The following WDPCP variants were observed in gnomAD, a reference collection of about 807,000 sequenced individuals.
WDPCP encodes WD repeat containing planar cell polarity effector.
A neutral mutation model predicts 93.1 loss-of-function variants in WDPCP; 71 were observed. That is an observed-to-expected ratio of 0.76 (90% CI 0.63 to 0.93). The LOEUF is 0.93. Among genes scored for constraint, WDPCP ranks in the 40% least tolerant of loss-of-function variants. The pLI, the probability that WDPCP is intolerant of heterozygous loss-of-function variation, is 0.00. For missense variants in WDPCP, 844 were observed against 887.4 expected, an observed-to-expected ratio of 0.95 and a Z score of 0.62; for synonymous variants, 315 against 315.0, an observed-to-expected ratio of 1.00 and a Z score of 0.00.
At chr2:63,535,245 A>G (rs1372381302) in intron 1 of WDPCP, among the ~76,000 whole-genome samples, 1 of 152,248 alleles carries the variant, frequency 6.6e-6, no homozygotes, top group Non-Finnish European at 1.5e-5. Context: ...TTCCATGCTC[A>G]TGGATAGGAA....
chr2:63,521,472 T>C (rs1247428512), intron 1 of WDPCP, among the ~76,000 whole-genome samples: 1 of 152,108 alleles, frequency 6.6e-6, no homozygotes, highest in African/African-American at 2.4e-5. Context: ...GGGCATTACA[T>C]AATGGTAAAA....
intron 17 of WDPCP, among the ~76,000 whole-genome samples, chr2:63,140,493 A>T (rs1337857671): frequency 1.3e-5 from 2 of 150,800 alleles, no homozygotes. Flanking sequence ...TTCTTTCAGC[A>T]GTGTTTTGTA....
At chr2:63,452,198 G>A (rs1247604096) in intron 6 of WDPCP, among the ~76,000 whole-genome samples, 6 of 152,176 alleles carry the variant, frequency 3.9e-5, no homozygotes, top group Admixed American at 1.3e-4. Context: ...AAACCCCATC[G>A]TCTCAGCCTA....
chr2:63,702,609 GCTCACTGC>G (rs957022294), intron 2 of WDPCP, among the ~76,000 whole-genome samples: 1 of 151,254 alleles, frequency 6.6e-6, no homozygotes, highest in African/African-American at 2.4e-5. Flanking sequence ...CGCGATTTCG[GCTCACTGC>G]AAGCTACGCC....
chr2:63,515,855 A>C (rs540545958), intron 1 of WDPCP, among the ~76,000 whole-genome samples: 19 of 152,164 alleles, frequency 1.2e-4, no homozygotes, highest in Admixed American at 5.2e-4. Flanking sequence ...CCTCATCTCT[A>C]CTAAAAATAC....
intron 14 of WDPCP, among the ~76,000 whole-genome samples, chr2:63,225,075 C>T (rs1055723349): frequency 6.6e-6 from 1 of 150,840 alleles, no homozygotes; most frequent in Non-Finnish European, 1.5e-5. Context: ...AAAAAGAAAC[C>T]TATTAAAATA....
At chr2:63,288,252 A>G (rs2104990291) in intron 13 of WDPCP, among the ~76,000 whole-genome samples, 1 of 152,362 alleles carries the variant, frequency 6.6e-6, no homozygotes, top group South Asian at 2.1e-4. Context: ...ACTCATCCTC[A>G]TGCCATCCAA....
At chr2:63,752,476 G>GGAGC in intron 2 of WDPCP, 1 of 781,056 alleles carries the variant, frequency 1.3e-6, no homozygotes, top group Non-Finnish European at 2.3e-6. Context: ...CAAAGCCCCT[G>GGAGC]GAGCGCTTGG....
intron 7 of WDPCP, chr2:63,438,172 G>C: frequency 4.1e-6 from 1 of 242,932 alleles, no homozygotes; most frequent in Non-Finnish European, 6.6e-6. Context: ...AATATTTGTG[G>C]ATTATATAAA....
chr2:63,231,074 G>T (rs1248082163), intron 14 of WDPCP, among the ~76,000 whole-genome samples: 1 of 152,162 alleles, frequency 6.6e-6, no homozygotes, highest in Non-Finnish European at 1.5e-5. Context: ...TCATCCCTGG[G>T]ATGCAAGGCT....
intron 13 of WDPCP, among the ~76,000 whole-genome samples, chr2:63,263,509 ACT>A (rs1352671338): frequency 6.6e-6 from 1 of 152,036 alleles, no homozygotes; most frequent in Non-Finnish European, 1.5e-5. Flanking sequence ...CCATGGGATC[ACT>A]CTTACCAGAT....
At chr2:63,182,084 T>C (rs1230725245) in intron 14 of WDPCP, among the ~76,000 whole-genome samples, 2 of 152,068 alleles carry the variant, frequency 1.3e-5, no homozygotes, top group African/African-American at 4.8e-5. Context: ...TAAGATCATA[T>C]CATGAGCAAA....
chr2:63,742,031 T>C (rs966664137), intron 2 of WDPCP, among the ~76,000 whole-genome samples: 1 of 152,114 alleles, frequency 6.6e-6, no homozygotes, highest in Admixed American at 6.6e-5. Flanking sequence ...GTCAGGCATA[T>C]TTTAGAGATC....
chr2:63,164,122 A>G (rs1322090856), intron 15 of WDPCP, among the ~76,000 whole-genome samples: 2 of 152,218 alleles, frequency 1.3e-5, no homozygotes, highest in Non-Finnish European at 2.9e-5. Context: ...CTTGGAAAGG[A>G]TAATCTAATA....
At chr2:63,167,781 T>C (rs1673093757) in intron 15 of WDPCP, among the ~76,000 whole-genome samples, 1 of 152,218 alleles carries the variant, frequency 6.6e-6, no homozygotes, top group Non-Finnish European at 1.5e-5. Context: ...AGGTATTATT[T>C]CTTGTTACTT....
At chr2:63,447,577 TTTAAC>T (rs1272531764) in intron 6 of WDPCP, among the ~76,000 whole-genome samples, 1 of 152,164 alleles carries the variant, frequency 6.6e-6, no homozygotes, top group Admixed American at 6.5e-5. Context: ...GTCTCTGCTA[TTTAAC>T]TTATTAAAAA....
intron 15 of WDPCP, among the ~76,000 whole-genome samples, chr2:63,169,983 T>G (rs1395380137): frequency 6.6e-6 from 1 of 151,602 alleles, no homozygotes; most frequent in African/African-American, 2.4e-5. Context: ...CCTTAATGTT[T>G]AGGGCCCCAA....
At chr2:63,538,622 T>C (rs763968351) in intron 1 of WDPCP, among the ~76,000 whole-genome samples, 2 of 152,202 alleles carry the variant, frequency 1.3e-5, no homozygotes, top group Non-Finnish European at 2.9e-5. Context: ...TTCTGTATAT[T>C]TTCTTTATAG....
chr2:63,838,297 G>A, the WDPCP span, among the ~76,000 whole-genome samples: 2 of 152,152 alleles, frequency 1.3e-5, no homozygotes, highest in African/African-American at 4.8e-5. Context: ...TTGATAGAGA[G>A]CTCCTGTCTA....
Sources: allele counts gnomAD v4.1 joint callset (sites outside exome capture counted in the v4.1 genomes callset), GRCh38; gene constraint gnomAD v4.1.1; transcripts MANE v1.5; gene names NCBI Gene and HGNC (gene_info 2026-07-23, HGNC 2026-07-21).